OTOA: variants seen among roughly 807,000 people sequenced by gnomAD.
The protein encoded by OTOA is cancer/testis antigen 108.
In OTOA, 70 loss-of-function variants were observed where a neutral mutation model predicts 110.8. The ratio of observed to expected loss-of-function variants is 0.63; its 90% CI spans 0.52 to 0.77. The LOEUF is 0.77. OTOA is among the 30% of genes least tolerant of loss of function. OTOA has a pLI of 0.00. For missense variants in OTOA, 917 were observed against 1,075.8 expected, an observed-to-expected ratio of 0.85 and a Z score of 2.06; for synonymous variants, 373 against 431.5, an observed-to-expected ratio of 0.86 and a Z score of 1.68.
rs2061713165 is a variant in OTOA at position 21,701,131 on chromosome 16, G to A, written c.980+104G>A. 4 of 1,538,842 alleles carry A rather than the reference G, an allele frequency of 2.6e-6. No individual in the cohort carries two copies. The African/African-American group carries it at 5.5e-5, about 21-fold the overall frequency. On this transcript the variant is annotated intron_variant, in intron 11 of 28. Coordinates refer to ENST00000646100, the MANE Select transcript of OTOA (RefSeq NM_144672.4). The stretch of plus-strand genomic sequence containing the variant: ...ACCCAGGGAGGGAAGGGAGGTGGCT[G>A]GTCCATCTCTTTGAATAGTCCCATA...
rs752418552 is a variant in OTOA, at chr16:21,716,896, G to A, written c.1489-11G>A. ...TTACAATGTTGTTTTGTTGCTTCTC[G>A]CTTCTGGCAGATGGTCCAAGCGGAA... On this transcript the variant is annotated splice_polypyrimidine_tract_variant and intron_variant, in intron 14 of 28. Transcript: ENST00000646100. 5.8e-5 allele frequency: 94 copies of A among 1,613,600 alleles called. No individual in the cohort carries two copies. The highest frequency in any genetic ancestry group is 6.4e-5 in the Non-Finnish European group (76 of 1,179,872).
At position 21,684,825 on chromosome 16, in the gene OTOA, C is replaced by T. The variant is rs983470370; in HGVS notation, c.268-405C>T. 3.3e-5 allele frequency among the ~76,000 whole-genome samples: 5 copies of T among 151,184 alleles called. No homozygotes were observed. The South Asian group carries it at 6.2e-4, about 19-fold the overall frequency. On this transcript the variant is annotated intron_variant, in intron 6 of 28. Coordinates refer to ENST00000646100, the MANE Select transcript of OTOA (RefSeq NM_144672.4). Reference sequence around the variant, plus strand: ...GGAGTGCAGTGGCGTGATCTCGGCTCACTGCAACCTCCGCCTCCCGGGTTT... The same window carrying T: ...GGAGTGCAGTGGCGTGATCTCGGCTTACTGCAACCTCCGCCTCCCGGGTTT...
At chr16:21,725,016 G>A (rs1056622182) in intron 18 of OTOA, among the ~76,000 whole-genome samples, 1 of 152,120 alleles carries the variant, frequency 6.6e-6, no homozygotes, top group Non-Finnish European at 1.5e-5. Context: ...GACCTCAGAT[G>A]ATCTGCTTGC....
At chr16:21,738,946 A>C (rs1431964809) in intron 22 of OTOA, among the ~76,000 whole-genome samples, 3 of 152,068 alleles carry the variant, frequency 2.0e-5, no homozygotes, top group Non-Finnish European at 4.4e-5. Flanking sequence ...GGTGGTGACC[A>C]CCACTGGCTC....
intron 7 of OTOA, among the ~76,000 whole-genome samples, chr16:21,686,995 G>A (rs1567367638): frequency 6.6e-6 from 1 of 152,178 alleles, no homozygotes; most frequent in Non-Finnish European, 1.5e-5. Flanking sequence ...TCCCTTTAAT[G>A]CATTATAGAG....
chr16:21,714,300 T>TTC (rs1898455390), intron 13 of OTOA, among the ~76,000 whole-genome samples: 4 of 100,342 alleles, frequency 4.0e-5, no homozygotes, highest in East Asian at 2.6e-4. Flanking sequence ...TCTTTTCCTT[T>TTC]CTTCCTTCCT....
chr16:21,684,864 G>T (rs1897678978), intron 6 of OTOA, among the ~76,000 whole-genome samples: 1 of 151,582 alleles, frequency 6.6e-6, no homozygotes, highest in African/African-American at 2.4e-5. Flanking sequence ...CGATTCTCCT[G>T]CCTCAGCCTC....
chr16:21,694,149 G>A (rs191525847), intron 9 of OTOA, among the ~76,000 whole-genome samples: 86 of 152,056 alleles, frequency 5.7e-4, no homozygotes, highest in East Asian at 5.6e-3. Context: ...ATTAAAAAAG[G>A]TAAAAAGCAG....
chr16:21,705,316 G>A, intron 12 of OTOA, 24 bp downstream of exon 12: 1 of 1,613,238 alleles, frequency 6.2e-7, no homozygotes, highest in Non-Finnish European at 8.5e-7. Context: ...GCAAGGCCCT[G>A]AGGCCTCTGC....
At chr16:21,718,405 C>G (rs1898622624) in intron 15 of OTOA, among the ~76,000 whole-genome samples, 1 of 152,180 alleles carries the variant, frequency 6.6e-6, no homozygotes, top group South Asian at 2.1e-4. Flanking sequence ...AGGAAAATCT[C>G]TGGGGCCACA....
chr16:21,703,354 A>G (rs1898090428), intron 11 of OTOA, among the ~76,000 whole-genome samples: 1 of 152,164 alleles, frequency 6.6e-6, no homozygotes, highest in African/African-American at 2.4e-5. Context: ...GATTCATAAT[A>G]TAAATGAGGT....
chr16:21,730,541 G>A lies in OTOA; in HGVS notation c.2208-296G>A, dbSNP rs1172353388. The stretch of plus-strand genomic sequence containing the variant: ...CCCATCCCTCAGCTCTGTGTTCCTT[G>A]GTGTGGTCTTTACTTTTTCCACTTG... On this transcript the variant is annotated intron_variant, in intron 20 of 28. Transcript: ENST00000646100. The A allele has an allele frequency of 1.3e-5, 5 of 381,722 alleles. No individual in the cohort carries two copies. In the East Asian group the frequency reaches 2.5e-4, roughly 19 times the overall value. 23.6% of individuals were successfully genotyped at this position (381,722 alleles called of 1,614,324 possible).
intron 27 of OTOA, among the ~76,000 whole-genome samples, chr16:21,753,802 T>C (rs1899902332): frequency 7.8e-6 from 1 of 127,732 alleles, no homozygotes; most frequent in Non-Finnish European, 1.7e-5. Context: ...GGCTCACACC[T>C]GTAATCCCAA....
At chr16:21,729,565 C>T (rs1321556155) in intron 20 of OTOA, 2 of 152,186 alleles carry the variant, frequency 1.3e-5, no homozygotes, top group Non-Finnish European at 1.5e-5. Context: ...TGGTGCTTTA[C>T]ATTCTATGGG....
intron 12 of OTOA, among the ~76,000 whole-genome samples, chr16:21,709,339 A>G (rs1898284778): frequency 1.3e-5 from 2 of 152,144 alleles, no homozygotes; most frequent in Admixed American, 1.3e-4. Context: ...AGGCAGGAGA[A>G]TCGCTTGAAC....
intron 1 of OTOA, among the ~76,000 whole-genome samples, chr16:21,669,721 A>G (rs1238009653): frequency 1.3e-5 from 2 of 152,166 alleles, no homozygotes; most frequent in Non-Finnish European, 2.9e-5. Flanking sequence ...CTTCACTGCT[A>G]TCAATGACCA....
rs566653475 is a variant in OTOA, at chr16:21,697,763, T to C, written c.740-12T>C. ...GTATGTACTCATTTATTCATTTCTT[T>C]ATTTTTTGTAGATGACTCTGCTTCA... On this transcript the variant is annotated splice_polypyrimidine_tract_variant and intron_variant, in intron 9 of 28. Transcript: ENST00000646100. 92 of 1,612,946 alleles carry C rather than the reference T, an allele frequency of 5.7e-5. 1 individual carries two copies. In the South Asian group the frequency reaches 8.9e-4, roughly 16 times the overall value.
chr16:21,710,174 C>G, intron 13 of OTOA, 71 bp downstream of exon 13: 1 of 1,395,716 alleles, frequency 7.2e-7, no homozygotes, highest in East Asian at 2.5e-5. Context: ...GCCAGGCTGC[C>G]ATAAAAATAT....
chr16:21,732,634 C>T (rs460554), intron 21 of OTOA, among the ~76,000 whole-genome samples: 17 of 152,016 alleles, frequency 1.1e-4, no homozygotes, highest in African/African-American at 1.7e-4. Flanking sequence ...AAAAGTCTTG[C>T]ATCAACACTG....
Sources: gnomAD v4.1 joint callset for allele counts (sites outside exome capture counted in the v4.1 genomes callset) on GRCh38, gnomAD v4.1.1 for gene constraint, MANE v1.5 for transcripts, NCBI Gene and HGNC (gene_info 2026-07-23, HGNC 2026-07-21) for gene names.